Variants in TPGS1 observed in about 807,000 individuals in gnomAD.
The protein encoded by TPGS1 is gene trap ROSA b-geo 22.
In TPGS1, 18 loss-of-function variants were observed where a neutral mutation model predicts 11.9. That is an observed-to-expected ratio of 1.51 (90% CI 1.04 to 2.24). TPGS1 has a LOEUF of 2.24. Among genes scored for constraint, TPGS1 ranks in the 30% most tolerant of loss-of-function variants. TPGS1 has a pLI of 0.00. For synonymous variants in TPGS1, 247 were observed against 218.2 expected (o/e 1.13, Z -1.16); for missense variants, 500 against 443.0 (o/e 1.13, Z -1.16).
At chr19:516,731 C>T (rs943718524) in intron 1 of TPGS1, among the ~76,000 whole-genome samples, 3 of 152,148 alleles carry the variant, frequency 2.0e-5, no homozygotes, top group Admixed American at 1.3e-4. Context: ...CTAAACTTAT[C>T]GGTTTTGTGA....
In TPGS1 at chr19:507,597, G is replaced by A. The variant is rs754819631; in HGVS notation, c.91G>A (p.Ala31Thr). 422 of 1,398,522 alleles carry A rather than the reference G, an allele frequency of 3.0e-4. No homozygotes were observed. The highest frequency in any genetic ancestry group is 3.8e-4 in the Non-Finnish European group (402 of 1,066,766). The allele number at this position is 1,398,522 out of a possible 1,614,324, so 86.6% of individuals were successfully genotyped here. Residue 31 changes from alanine to threonine, a missense_variant, in exon 1 of 2, where the codon GCG becomes ACG. Ala to Thr is a moderately conservative substitution (Grantham distance 58, BLOSUM62 0). Coordinates refer to ENST00000359315, the MANE Select transcript of TPGS1 (RefSeq NM_033513.3). ...GRQSVSRAAG[A>T]AESEEDFLRQ... is the part of the protein sequence containing the mutation. ...CCAGTCGGTATCCCGGGCGGCGGGGGCGGCCGAGAGCGAGGAGGACTTCCT... is the reference window on the plus strand; with the variant it reads ...CCAGTCGGTATCCCGGGCGGCGGGGACGGCCGAGAGCGAGGAGGACTTCCT...
intron 1 of TPGS1, among the ~76,000 whole-genome samples, chr19:511,277 G>A (rs982151588): frequency 6.6e-6 from 1 of 152,216 alleles, no homozygotes; most frequent in Non-Finnish European, 1.5e-5. Flanking sequence ...TGATTCTGCT[G>A]GGAGCCGCCC....
intron 1 of TPGS1, among the ~76,000 whole-genome samples, chr19:511,118 C>A (rs1410844437): frequency 6.6e-6 from 1 of 152,244 alleles, no homozygotes; most frequent in Non-Finnish European, 1.5e-5. Context: ...ACAGACGGAG[C>A]CCTGGCTGGG....
chr19:519,196 C>A lies in TPGS1; in HGVS notation c.646C>A (p.Arg216Ser). ...CTCGGCCGCCGCCGTGGCCGACCGC[C>A]GCGTGGGCCAGGCCGTGCTGGACAC... The part of the protein sequence containing the change: ...EDSAAAVADR[R>S]VGQAVLDTLE... The change falls in exon 2 of 2, where the codon CGC becomes AGC. Residue 216 changes from arginine (R) to serine (S), a missense_variant. Coordinates refer to ENST00000359315, the MANE Select transcript of TPGS1 (RefSeq NM_033513.3). 1 of 1,480,536 alleles carries A rather than the reference C, an allele frequency of 6.8e-7. No homozygotes were observed. Among genetic ancestry groups the A allele is most frequent in the Non-Finnish European group, 8.9e-7 (1 of 1,123,292 alleles). The allele number at this position is 1,480,536 out of a possible 1,614,324, so 91.7% of individuals were successfully genotyped here.
intron 1 of TPGS1, chr19:508,977 A>T (rs1337816987): frequency 6.6e-6 from 1 of 152,328 alleles, no homozygotes; most frequent in South Asian, 2.1e-4. Flanking sequence ...CCAGAGGGTC[A>T]GTGGAGCCGT....
Position 519,384 on chromosome 19 carries a change from C to T in TPGS1, c.834C>T (p.Ala278=). The part of the protein sequence containing the change: ...PMTREEFLER[A]AALFIAKVKP... ...CCCGCGAGGAGTTTCTGGAGAGGGC[C>T]GCCGCGCTCTTCATCGCGAAGGTCA... Residue 278 remains alanine (A), a synonymous_variant, in exon 2 of 2, where the codon GCC becomes GCT. Transcript: ENST00000359315. 1 of 1,226,582 alleles carries T rather than the reference C, an allele frequency of 8.2e-7. No individual in the cohort carries two copies. The allele number at this position is 1,226,582 out of a possible 1,614,324, so 76.0% of individuals were successfully genotyped here. A position where few individuals can be genotyped will look rare whatever the true frequency, so the allele number is the denominator to read the frequency against.
Position 519,197 on chromosome 19 carries a change from G to A in TPGS1, c.647G>A (p.Arg216His), listed in dbSNP as rs1164585565. ...TCGGCCGCCGCCGTGGCCGACCGCC[G>A]CGTGGGCCAGGCCGTGCTGGACACC... is the stretch of plus-strand genomic sequence containing the variant. ...EDSAAAVADR[R>H]VGQAVLDTLE... The change falls in exon 2 of 2, where the codon CGC becomes CAC. Residue 216 changes from arginine (R) to histidine (H), a missense_variant. Transcript: ENST00000359315. 6.8e-7 allele frequency: 1 copy of A among 1,479,026 alleles called. No individual in the cohort carries two copies. The highest frequency in any genetic ancestry group is 8.9e-7 in the Non-Finnish European group (1 of 1,122,644). 91.6% of individuals were successfully genotyped at this position (1,479,026 alleles called of 1,614,324 possible).
At position 507,715 on chromosome 19, in the gene TPGS1, A is replaced by C. The variant is rs1299099203; in HGVS notation, c.209A>C (p.Tyr70Ser). 1 of 1,399,726 alleles carries C rather than the reference A, an allele frequency of 7.1e-7. No individual in the cohort carries two copies. The highest frequency in any genetic ancestry group is 1.5e-5 in the African/African-American group (1 of 66,328). The allele number at this position is 1,399,726 out of a possible 1,614,324, so 86.7% of individuals were successfully genotyped here. ...PEEPIAFLAH[Y>S]FENMGLRSPV... The stretch of plus-strand genomic sequence containing the variant: ...GAGCCGATCGCCTTCCTGGCTCACT[A>C]CTTCGAGAACATGGGCCTGCGCTCG... The change falls in exon 1 of 2, where the codon TAC becomes TCC. Residue 70 changes from tyrosine (Y) to serine (S), a missense_variant. By Grantham distance (144) the Tyr-to-Ser change is moderately radical. Coordinates refer to ENST00000359315, the MANE Select transcript of TPGS1 (RefSeq NM_033513.3).
rs867024591 is a variant in TPGS1, at chr19:519,040, C to G, written c.490C>G (p.Leu164Val). ...AGCCCCCGAGGAGGTGGTGGCGCCG[C>G]TGCTGCGCAAGGTGCAGTGCCGTGA... is the stretch of plus-strand genomic sequence containing the variant. ...GQAPEEVVAP[L>V]LRKVQCRDHE... The change falls in exon 2 of 2, where the codon CTG becomes GTG. Residue 164 changes from leucine to valine, a missense_variant. Transcript: ENST00000359315. 1 of 1,551,958 alleles carries G rather than the reference C, an allele frequency of 6.4e-7. No homozygotes were observed.
rs1435727109 is a variant in TPGS1, at chr19:507,725, C to G, written c.219C>G (p.Asn73Lys). 1 of 1,401,244 alleles carries G rather than the reference C, an allele frequency of 7.1e-7. No individual in the cohort carries two copies. The highest frequency in any genetic ancestry group is 9.3e-7 in the Non-Finnish European group (1 of 1,073,778). 86.8% of individuals were successfully genotyped at this position (1,401,244 alleles called of 1,614,324 possible). A position where few individuals can be genotyped will look rare whatever the true frequency, so the allele number is the denominator to read the frequency against. Residue 73 changes from asparagine to lysine, a missense_variant, in exon 1 of 2, where the codon AAC becomes AAG. Asn to Lys is a moderately conservative substitution (Grantham distance 94). Transcript: ENST00000359315. ...CCTTCCTGGCTCACTACTTCGAGAA[C>G]ATGGGCCTGCGCTCGCCTGTAAACG... The part of the protein sequence containing the change: ...PIAFLAHYFE[N>K]MGLRSPVNGG...
intron 1 of TPGS1, chr19:510,239 G>A (rs536082654): frequency 7.1e-4 from 108 of 152,286 alleles, no homozygotes; most frequent in African/African-American, 2.5e-3. Context: ...CGGGTGTGGT[G>A]GCGGGCGCCT....
At chr19:510,738 T>C (rs1001193143) in intron 1 of TPGS1, among the ~76,000 whole-genome samples, 2 of 152,136 alleles carry the variant, frequency 1.3e-5, no homozygotes, top group African/African-American at 4.8e-5. Flanking sequence ...AGCCACCACG[T>C]TGCTCATCCT....
Position 512,189 on chromosome 19 carries a change from A to G in TPGS1, c.338+4345A>G, listed in dbSNP as rs977878814. Among the ~76,000 whole-genome samples the G allele has an allele frequency of 2.0e-5, 3 of 151,858 alleles. No homozygotes were observed. The East Asian group carries it at 5.8e-4, about 29-fold the overall frequency. On this transcript the variant is annotated intron_variant, in intron 1 of 1. Transcript: ENST00000359315. ...CCTGGCCCAGTTTTCTTTTTGAGCC[A>G]GGGTCTTGCTGTCACGCAGCCTGCA... is the stretch of plus-strand genomic sequence containing the variant.
At chr19:510,321 C>G (rs542053780) in intron 1 of TPGS1, 4 of 151,746 alleles carry the variant, frequency 2.6e-5, no homozygotes, top group African/African-American at 9.7e-5. Context: ...TGCATTGAGC[C>G]GAGATCGCGC....
At chr19:508,093 C>T in intron 1 of TPGS1, 1 of 386,710 alleles carries the variant, frequency 2.6e-6, no homozygotes, top group Non-Finnish European at 4.6e-6. Context: ...TCTGTGATGC[C>T]TTTTTGCAGG....
chr19:518,872 C>G lies in TPGS1; in HGVS notation c.339-17C>G. Reference sequence around the variant, plus strand: ...GCGCGCGGTCTCTGCCGGCCCCCAACGTCCCCGTCTCCGCAGGGCCGCCTT... The same window carrying G: ...GCGCGCGGTCTCTGCCGGCCCCCAAGGTCCCCGTCTCCGCAGGGCCGCCTT... On this transcript the variant is annotated splice_polypyrimidine_tract_variant and intron_variant, in intron 1 of 1. Transcript: ENST00000359315. 1.3e-6 allele frequency: 2 copies of G among 1,493,526 alleles called. No individual in the cohort carries two copies. Among genetic ancestry groups the G allele is most frequent in the South Asian group, 2.7e-5 (2 of 75,320 alleles). 92.5% of individuals were successfully genotyped at this position (1,493,526 alleles called of 1,614,324 possible). A position where few individuals can be genotyped will look rare whatever the true frequency, so the allele number is the denominator to read the frequency against.
Position 507,678 on chromosome 19 carries a change from G to T in TPGS1, c.172G>T (p.Ala58Ser). ...TGCGGCCCTGCTGAAGGTGCTGGAG[G>T]CGCGGCCCGAGGAGCCGATCGCCTT... ...LRAALLKVLE[A>S]RPEEPIAFLA... Residue 58 changes from alanine (A) to serine (S), a missense_variant, in exon 1 of 2, where the codon GCG becomes TCG. Physicochemically the swap from Ala to Ser is moderately conservative, Grantham distance 99. Coordinates refer to ENST00000359315, the MANE Select transcript of TPGS1 (RefSeq NM_033513.3). 7.2e-7 allele frequency: 1 copy of T among 1,381,748 alleles called. No homozygotes were observed. The highest frequency in any genetic ancestry group is 9.5e-7 in the Non-Finnish European group (1 of 1,057,192). 85.6% of individuals were successfully genotyped at this position (1,381,748 alleles called of 1,614,324 possible).
Position 518,871 on chromosome 19 carries a change from A to T in TPGS1, c.339-18A>T. ...GGCGCGCGGTCTCTGCCGGCCCCCA[A>T]CGTCCCCGTCTCCGCAGGGCCGCCT... On this transcript the variant is annotated intron_variant, in intron 1 of 1. Transcript: ENST00000359315. 2.0e-6 allele frequency: 3 copies of T among 1,492,478 alleles called. No homozygotes were observed. Among genetic ancestry groups the T allele is most frequent in the Non-Finnish European group, 2.7e-6 (3 of 1,127,880 alleles). 92.5% of individuals were successfully genotyped at this position (1,492,478 alleles called of 1,614,324 possible).
At chr19:515,672 A>G (rs1978929287) in intron 1 of TPGS1, among the ~76,000 whole-genome samples, 1 of 151,952 alleles carries the variant, frequency 6.6e-6, no homozygotes, top group Non-Finnish European at 1.5e-5. Flanking sequence ...CGGGAGGTGG[A>G]GGTTGCTGTG....
Sources: gnomAD v4.1 joint callset for allele counts (sites outside exome capture counted in the v4.1 genomes callset) on GRCh38, gnomAD v4.1.1 for gene constraint, MANE v1.5 for transcripts, NCBI Gene and HGNC (gene_info 2026-07-23, HGNC 2026-07-21) for gene names.